STRIP1: variants seen among roughly 807,000 people sequenced by gnomAD.
STRIP1 encodes striatin interacting protein 1, also known as striatin-interacting protein 1.
Under a neutral mutation model 106.2 loss-of-function variants are expected in STRIP1, and 63 were observed. The ratio of observed to expected loss-of-function variants is 0.59; its 90% CI spans 0.48 to 0.73. The LOEUF is 0.73. Ranked by LOEUF, STRIP1 falls within the 30% of genes least tolerant of loss-of-function variation. The pLI, the probability that STRIP1 is intolerant of heterozygous loss-of-function variation, is 0.00. For missense variants in STRIP1, 857 were observed against 1,074.8 expected, an observed-to-expected ratio of 0.80 and a Z score of 2.83; for synonymous variants, 390 against 413.0, an observed-to-expected ratio of 0.94 and a Z score of 0.67.
At chr1:110,037,848 T>C (rs780550386) in intron 1 of STRIP1, 43 bp from the exon 2 acceptor site, 7 of 1,364,120 alleles carry the variant, frequency 5.1e-6, no homozygotes, top group South Asian at 1.2e-5. Context: ...CTTTGATAAA[T>C]AGAATGATCC....
At position 110,040,644 on chromosome 1, in the gene STRIP1, C is replaced by G. The variant is rs772137513; in HGVS notation, c.591C>G (p.Ala197=). 1 of 1,611,754 alleles carries G rather than the reference C, an allele frequency of 6.2e-7. No homozygotes were observed. The highest frequency in any genetic ancestry group is 8.5e-7 in the Non-Finnish European group (1 of 1,178,952). Reference sequence around the variant, plus strand: ...TCAAAATCTCCTGCAGCAACAGTGCCGCCTGCAGCAGTGCTGTGAGGAAGC... The same window carrying G: ...TCAAAATCTCCTGCAGCAACAGTGCGGCCTGCAGCAGTGCTGTGAGGAAGC... ...ELLNMEIDNS[A]ACSSAVRKPA... Residue 197 remains alanine (A), a synonymous_variant, in exon 6 of 21, where the codon GCC becomes GCG. Transcript: ENST00000369795.
chr1:110,038,562 G>C, intron 2 of STRIP1, 121 bp from the exon 3 acceptor site: 1 of 708,288 alleles, frequency 1.4e-6, no homozygotes, highest in South Asian at 1.8e-5. Context: ...TATTCCAGGA[G>C]TCACTATGAC....
upstream of STRIP1, among the ~76,000 whole-genome samples, chr1:110,033,765 A>G (rs574419780): frequency 3.9e-5 from 6 of 152,256 alleles, no homozygotes; most frequent in Non-Finnish European, 8.8e-5. Context: ...TGGGGGACAC[A>G]GTCAAACCAT....
At position 110,038,743 on chromosome 1, in the gene STRIP1, A is replaced by G. The variant is rs770287106; in HGVS notation, c.311A>G (p.Asp104Gly). The G allele has an allele frequency of 6.2e-7, 1 of 1,614,004 alleles. No homozygotes were observed. The highest frequency in any genetic ancestry group is 1.1e-5 in the South Asian group (1 of 91,078). ...ATGAATCGAAAATGCTTTGAGGAGG[A>G]CTTCCGGATCCATGGTGAGATGATT... Reference protein sequence around the residue: ...FLMNRKCFEEDFRIHVTDKKW... With the variant: ...FLMNRKCFEEGFRIHVTDKKW... Residue 104 changes from aspartate (D) to glycine (G), a missense_variant, in exon 3 of 21, where the codon GAC becomes GGC. Transcript: ENST00000369795.
rs1322465684 is a variant in STRIP1 at position 110,043,122 on chromosome 1, T to C, written c.920T>C (p.Met307Thr). 5 of 1,613,752 alleles carry C rather than the reference T, an allele frequency of 3.1e-6. No homozygotes were observed. The East Asian group carries it at 6.7e-5, about 22-fold the overall frequency. Residue 307 changes from methionine to threonine, a missense_variant, in exon 9 of 21, where the codon ATG becomes ACG. This residue lies in a region of STRIP1 where 750 missense variants were observed against 989.8 expected (regional missense o/e 0.76). Coordinates refer to ENST00000369795, the MANE Select transcript of STRIP1 (RefSeq NM_033088.4). ...TLGGFEELQS[M>T]KAEKRSILGL... ...GGCGGCTTTGAGGAGCTGCAGAGCATGAAGGCTGAGAAGCGCAGCATCCTG... is the reference window on the plus strand; with the variant it reads ...GGCGGCTTTGAGGAGCTGCAGAGCACGAAGGCTGAGAAGCGCAGCATCCTG...
At chr1:110,044,782 T>C (rs1652936125) in intron 10 of STRIP1, 58 bp from the exon 11 acceptor site, 1 of 1,553,570 alleles carries the variant, frequency 6.4e-7, no homozygotes, top group Admixed American at 1.7e-5. Context: ...CTGTAACACT[T>C]TGAAATAGCA....
At chr1:110,038,821 T>C in intron 3 of STRIP1, 64 bp downstream of exon 3, 2 of 1,478,034 alleles carry the variant, frequency 1.4e-6, no homozygotes, top group Non-Finnish European at 1.9e-6. Context: ...CAGGTTTCTT[T>C]TAGGCATCTG....
At chr1:110,044,146 G>A (rs910007891) in intron 10 of STRIP1, among the ~76,000 whole-genome samples, 1 of 152,204 alleles carries the variant, frequency 6.6e-6, no homozygotes, top group Non-Finnish European at 1.5e-5. Context: ...AAAAACAAAA[G>A]CATTTAAGCA....
intron 15 of STRIP1, chr1:110,048,429 C>T (rs1489773357): frequency 6.3e-6 from 1 of 158,862 alleles, no homozygotes; most frequent in Non-Finnish European, 1.4e-5. Flanking sequence ...GGACCTTGAC[C>T]TGATCTTCTG....
intron 20 of STRIP1, among the ~76,000 whole-genome samples, chr1:110,053,346 GAGA>G (rs1653391265): frequency 6.6e-6 from 1 of 152,238 alleles, no homozygotes; most frequent in Non-Finnish European, 1.5e-5. Flanking sequence ...ATGAGCAAAG[GAGA>G]AGATCTCCAG....
chr1:110,050,910 C>T, intron 18 of STRIP1, 46 bp from the exon 19 acceptor site: 1 of 1,110,728 alleles, frequency 9.0e-7, no homozygotes, highest in Non-Finnish European at 1.4e-6. Flanking sequence ...AACTGCTGCA[C>T]ACACTGCAGC....
chr1:110,053,198 G>A (rs1397044348), intron 20 of STRIP1, among the ~76,000 whole-genome samples: 3 of 152,222 alleles, frequency 2.0e-5, no homozygotes, highest in Non-Finnish European at 4.4e-5. Flanking sequence ...GGGCTGCTCT[G>A]TGTGTGCGTG....
chr1:110,039,632 G>C, intron 5 of STRIP1, 117 bp downstream of exon 5: 1 of 1,288,424 alleles, frequency 7.8e-7, no homozygotes, highest in Non-Finnish European at 1.1e-6. Flanking sequence ...CTGGTCCCAG[G>C]CTGTGTTCTG....
chr1:110,045,316 T>G (rs567814756), intron 12 of STRIP1: 27 of 483,202 alleles, frequency 5.6e-5, no homozygotes, highest in Non-Finnish European at 9.4e-5. Flanking sequence ...TCTTTAAAGA[T>G]TATATTACCT....
chr1:110,052,866 C>T (rs76830876), intron 20 of STRIP1, among the ~76,000 whole-genome samples: 5,448 of 152,244 alleles, frequency 0.036, 241 homozygotes, highest in African/African-American at 0.1. Context: ...GCGCCCGGCC[C>T]CCTAGTGAAT....
At chr1:110,045,331 A>G in intron 12 of STRIP1, 1 of 469,212 alleles carries the variant, frequency 2.1e-6, no homozygotes. Context: ...TTACCTGACC[A>G]CCGGGCACCA....
intron 6 of STRIP1, 169 bp from the exon 7 acceptor site, chr1:110,041,367 C>G: frequency 7.1e-6 from 4 of 565,042 alleles, no homozygotes; most frequent in Non-Finnish European, 3.2e-6. Context: ...TTTTTCTTTT[C>G]AGGAAGCTTA....
Sources: gnomAD v4.1 joint callset for allele counts (sites outside exome capture counted in the v4.1 genomes callset) on GRCh38, gnomAD v4.1.1 for gene constraint, gnomAD v4.1.1 regional missense constraint, MANE v1.5 for transcripts, NCBI Gene and HGNC (gene_info 2026-07-23, HGNC 2026-07-21) for gene names.